TRANK1: variants seen among roughly 807,000 people sequenced by gnomAD.
The protein encoded by TRANK1 is tetratricopeptide repeat and ankyrin repeat containing 1.
In TRANK1, 198 loss-of-function variants were observed where a neutral mutation model predicts 266.0. The ratio of observed to expected loss-of-function variants is 0.74; its 90% CI spans 0.66 to 0.84. The LOEUF is 0.84. Ranked by LOEUF, TRANK1 falls within the 40% of genes least tolerant of loss-of-function variation. TRANK1 has a pLI of 0.00. For synonymous variants in TRANK1, 1,396 were observed against 1,384.1 expected, an observed-to-expected ratio of 1.01 and a Z score of -0.19; for missense variants, 3,326 against 3,634.6, an observed-to-expected ratio of 0.92 and a Z score of 2.18.
chr3:36,884,793 C>G (rs749779720), intron 8 of TRANK1, among the ~76,000 whole-genome samples: 10 of 152,004 alleles, frequency 6.6e-5, no homozygotes, highest in Non-Finnish European at 1.2e-4. Context: ...ATTAGCTGAG[C>G]ATGGTGGCAC....
intron 1 of TRANK1, among the ~76,000 whole-genome samples, chr3:36,922,924 C>T (rs552111226): frequency 7.2e-5 from 11 of 152,246 alleles, no homozygotes; most frequent in South Asian, 6.2e-4. Context: ...CTGGCAGGGC[C>T]GAGGGAAAGC....
rs368333828 is a variant in TRANK1 at position 36,838,301 on chromosome 3, C to T, written c.5517+71G>A. 1.4e-3 allele frequency: 2,271 copies of T among 1,580,640 alleles called. 2 individuals are homozygous for T. Among genetic ancestry groups the T allele is most frequent in the Middle Eastern group, 0.012 (60 of 4,970 alleles). ...GCCTCTTCCTGCTATGAGTAGAGGTCGAGCCTACCCCTCAATCTGCTCAAG... is the reference window on the plus strand; with the variant it reads ...GCCTCTTCCTGCTATGAGTAGAGGTTGAGCCTACCCCTCAATCTGCTCAAG... On this transcript the variant is annotated intron_variant, in intron 20 of 23. Transcript: ENST00000645898.
rs375388876 is a variant in TRANK1, at chr3:36,830,947, T to C, written c.8636A>G (p.Gln2879Arg). The change falls in exon 22 of 24, where the codon CAG becomes CGG. Residue 2879 changes from glutamine (Q) to arginine (R), a missense_variant. Physicochemically the swap from Gln to Arg is conservative, Grantham distance 43 (BLOSUM62 1). Coordinates refer to ENST00000645898, the MANE Select transcript of TRANK1 (RefSeq NM_001329998.2). ...CCTCTTGATGTGCTCCTGGACCTTC[T>C]GCAGCATGTGGCTGTGCTCCTTGGA... is the stretch of plus-strand genomic sequence containing the variant. ...VGSKEHSHMLQKVQEHIKRVS... is the reference protein window; with the variant it reads ...VGSKEHSHMLRKVQEHIKRVS... The C allele has an allele frequency of 1.9e-6, 3 of 1,613,886 alleles. No homozygotes were observed. The African/African-American group carries it at 4.0e-5, about 22-fold the overall frequency.
Position 36,829,592 on chromosome 3 carries a change from C to T in TRANK1, c.8781G>A (p.Met2927Ile). The change falls in exon 23 of 24, where the codon ATG becomes ATA. Residue 2927 changes from methionine (M) to isoleucine (I), a missense_variant. Met to Ile is a conservative substitution (Grantham distance 10, BLOSUM62 1). Coordinates refer to ENST00000645898, the MANE Select transcript of TRANK1 (RefSeq NM_001329998.2). Reference protein sequence around the residue: ...LSVRDARDWLMKTETRLKKEG... With the variant: ...LSVRDARDWLIKTETRLKKEG... ...CCTTCTTTAAGCGGGTCTCTGTTTT[C>T]ATCAACCAGTCTCGTGCATCCCTGA... 6.2e-7 allele frequency: 1 copy of T among 1,614,038 alleles called. No homozygotes were observed. The highest frequency in any genetic ancestry group is 8.5e-7 in the Non-Finnish European group (1 of 1,179,902).
chr3:36,851,826 C>G lies in TRANK1; in HGVS notation c.4780G>C (p.Glu1594Gln). Reference sequence around the variant, plus strand: ...AACCCCAGCTCTTCTGGAATTTTCTCCTTTGCCGTTTCATTGGCCACAAGG... The same window carrying G: ...AACCCCAGCTCTTCTGGAATTTTCTGCTTTGCCGTTTCATTGGCCACAAGG... ...VILVANETAK[E>Q]KIPEELGLAL... The change falls in exon 15 of 24, where the codon GAG (glutamate) becomes CAG (glutamine). Residue 1594 changes from glutamate to glutamine, a missense_variant. Physicochemically the swap from Glu to Gln is conservative, Grantham distance 29. Transcript: ENST00000645898. The G allele has an allele frequency of 6.2e-7, 1 of 1,605,876 alleles. No individual in the cohort carries two copies. The highest frequency in any genetic ancestry group is 8.5e-7 in the Non-Finnish European group (1 of 1,176,198).
chr3:36,829,856 C>A (rs1181875236), intron 22 of TRANK1, among the ~76,000 whole-genome samples, 194 bp from the exon 23 acceptor site: 1 of 152,192 alleles, frequency 6.6e-6, no homozygotes, highest in African/African-American at 2.4e-5. Context: ...AAAGGCTAGC[C>A]TGACACCATT....
At chr3:36,854,926 G>A (rs2079031364) in intron 13 of TRANK1, among the ~76,000 whole-genome samples, 1 of 152,116 alleles carries the variant, frequency 6.6e-6, no homozygotes, top group Non-Finnish European at 1.5e-5. Context: ...TCATGTTATG[G>A]CAAACTCCTT....
intron 1 of TRANK1, among the ~76,000 whole-genome samples, chr3:36,938,229 G>GT (rs1198843961): frequency 6.6e-6 from 1 of 151,142 alleles, no homozygotes; most frequent in East Asian, 1.9e-4. Flanking sequence ...TGTTTTTTTT[G>GT]TTTTTTTGAG....
intron 8 of TRANK1, among the ~76,000 whole-genome samples, chr3:36,876,050 T>C (rs755302699): frequency 1.3e-5 from 2 of 152,250 alleles, no homozygotes; most frequent in Non-Finnish European, 2.9e-5. Context: ...GTTTTCAAAA[T>C]TCTTTAAGGG....
intron 8 of TRANK1, among the ~76,000 whole-genome samples, chr3:36,876,738 C>T (rs2079395097): frequency 1.3e-5 from 2 of 152,210 alleles, no homozygotes; most frequent in African/African-American, 4.8e-5. Context: ...AAGACAGACT[C>T]ATGAAGACAG....
rs55801006 is a variant in TRANK1, at chr3:36,901,101, GTT to G, written c.283-1844_283-1843del. ...CTTTGCCTTCCTCAGATTCAAGGTT[GTT>G]TTTTTTTTTTTTTTTGAGGAAGATG... On this transcript the variant is annotated intron_variant, in intron 3 of 23. Transcript: ENST00000645898. 2.7e-3 allele frequency among the ~76,000 whole-genome samples: 369 copies of G among 136,988 alleles called. 2 individuals carry two copies. Among genetic ancestry groups the G allele is most frequent in the African/African-American group, 9.2e-3 (347 of 37,618 alleles). The allele number at this position is 136,988 out of a possible 152,430, so 89.9% of individuals were successfully genotyped here. A position where few individuals can be genotyped will look rare whatever the true frequency, so the allele number is the denominator to read the frequency against.
intron 18 of TRANK1, among the ~76,000 whole-genome samples, chr3:36,842,272 A>ACTG (rs1172846259): frequency 6.6e-6 from 1 of 152,276 alleles, no homozygotes; most frequent in Non-Finnish European, 1.5e-5. Context: ...AAGATCTTTT[A>ACTG]CTGCTTTAAA....
chr3:36,925,660 C>T (rs764005791), intron 1 of TRANK1, among the ~76,000 whole-genome samples: 10 of 151,058 alleles, frequency 6.6e-5, no homozygotes, highest in Non-Finnish European at 1.5e-4. Context: ...GTGCAATCTC[C>T]GCTCACTGCA....
chr3:36,873,026 C>T (rs915538230), intron 9 of TRANK1, among the ~76,000 whole-genome samples: 1 of 152,188 alleles, frequency 6.6e-6, no homozygotes, highest in African/African-American at 2.4e-5. Flanking sequence ...CAAGGTTTTA[C>T]AGTACATTTC....
At chr3:36,930,349 C>T (rs1402066511) in intron 1 of TRANK1, among the ~76,000 whole-genome samples, 2 of 152,178 alleles carry the variant, frequency 1.3e-5, no homozygotes, top group African/African-American at 4.8e-5. Context: ...ATCCTGCCAA[C>T]AACATGAGTG....
chr3:36,873,171 C>A (rs998246557), intron 9 of TRANK1, among the ~76,000 whole-genome samples: 4 of 152,162 alleles, frequency 2.6e-5, no homozygotes, highest in Admixed American at 6.5e-5. Context: ...GGGAGTGTAA[C>A]TTACTATTGA....
chr3:36,926,127 T>A (rs1190681758), intron 1 of TRANK1, among the ~76,000 whole-genome samples: 1 of 152,186 alleles, frequency 6.6e-6, no homozygotes, highest in Non-Finnish European at 1.5e-5. Flanking sequence ...TGAGGTACTT[T>A]GCGTTTAACT....
chr3:36,879,781 A>AATATACAAATATACAAAT (rs1295088679), intron 8 of TRANK1, among the ~76,000 whole-genome samples: 1 of 67,686 alleles, frequency 1.5e-5, no homozygotes, highest in East Asian at 7.2e-4. Context: ...AATATATATA[A>AATATACAAATATACAAAT]ATATGTAAAT....
chr3:36,840,029 A>G (rs757756575), intron 18 of TRANK1, among the ~76,000 whole-genome samples: 1 of 152,182 alleles, frequency 6.6e-6, no homozygotes, highest in Non-Finnish European at 1.5e-5. Flanking sequence ...CAGTTCCCCT[A>G]AAAAGATTTT....
Sources: allele counts gnomAD v4.1 joint callset (sites outside exome capture counted in the v4.1 genomes callset), GRCh38; gene constraint gnomAD v4.1.1; transcripts MANE v1.5; gene names NCBI Gene and HGNC (gene_info 2026-07-23, HGNC 2026-07-21).